The following CSRP3 variants were observed in gnomAD, a reference collection of about 807,000 sequenced individuals.
CSRP3 encodes the protein cysteine and glycine rich protein 3.
A neutral mutation model predicts 24.3 loss-of-function variants in CSRP3; 24 were observed. That is an observed-to-expected ratio of 0.99 (90% CI 0.71 to 1.39). The LOEUF is 1.39. Ranked by LOEUF, CSRP3 falls within the 40% of genes most tolerant of loss-of-function variation. CSRP3 has a pLI of 0.00. For synonymous variants in CSRP3, 105 were observed against 94.0 expected, an observed-to-expected ratio of 1.12 and a Z score of -0.68; for missense variants, 240 against 249.0, an observed-to-expected ratio of 0.96 and a Z score of 0.24.
At chr11:19,188,424 A>G in intron 2 of CSRP3, 120 bp from the exon 3 acceptor site, 3 of 954,114 alleles carry the variant, frequency 3.1e-6, no homozygotes, top group Admixed American at 1.9e-5. Flanking sequence ...CCAAGAATAC[A>G]ATGTTGATTC....
intron 1 of CSRP3, among the ~76,000 whole-genome samples, chr11:19,199,667 C>G (rs1590110225): frequency 6.6e-6 from 1 of 152,076 alleles, no homozygotes; most frequent in Admixed American, 6.5e-5. Flanking sequence ...TTTTTGTGAC[C>G]CTTAAATAAG....
At position 19,182,281 on chromosome 11, in the gene CSRP3, A is replaced by G. The variant is rs926488895; in HGVS notation, c.*389T>C. The G allele has an allele frequency of 5.1e-6, 1 of 197,682 alleles. No individual in the cohort carries two copies. Among genetic ancestry groups the G allele is most frequent in the South Asian group, 1.0e-4 (1 of 9,780 alleles). The allele number at this position is 197,682 out of a possible 1,614,324, so 12.2% of individuals were successfully genotyped here. ...TCTGAAAGACTGCTTTCCTTTGCGC[A>G]TTGTTTCTTCCTTCTCACTCCTTTC... is the stretch of plus-strand genomic sequence containing the variant. On this transcript the variant is annotated 3_prime_UTR_variant, in exon 6 of 6. Transcript: ENST00000265968.
At chr11:19,195,117 G>A (rs771259526) in intron 1 of CSRP3, among the ~76,000 whole-genome samples, 5 of 151,896 alleles carry the variant, frequency 3.3e-5, no homozygotes, top group African/African-American at 7.3e-5. Context: ...ATTCAAATGG[G>A]GGTTTGAAGG....
In CSRP3 at chr11:19,182,679, C is replaced by G. The variant is rs141100524; in HGVS notation, c.576G>C (p.Lys192Asn). ...GAAACGGCGCACCTCTTCATTCTTT[C>G]TTTTCCACTTGTTGTGTAAGGCCTC... ...GFGGLTQQVEKKE is the reference protein window; with the variant it reads ...GFGGLTQQVENKE The change falls in exon 6 of 6, where the codon AAG becomes AAC. Residue 192 changes from lysine to asparagine, a missense_variant. Physicochemically the swap from Lys to Asn is moderately conservative, Grantham distance 94. Transcript: ENST00000265968. 8.7e-6 allele frequency: 14 copies of G among 1,614,134 alleles called. No homozygotes were observed. The highest frequency in any genetic ancestry group is 1.2e-5 in the Non-Finnish European group (14 of 1,179,998).
intron 2 of CSRP3, among the ~76,000 whole-genome samples, chr11:19,191,591 G>T (rs190537619): frequency 3.9e-5 from 6 of 152,288 alleles, no homozygotes; most frequent in Non-Finnish European, 8.8e-5. Flanking sequence ...TAAAGGTAGA[G>T]GTTCATGTAT....
At chr11:19,192,677 C>G (rs1238531854) in intron 1 of CSRP3, among the ~76,000 whole-genome samples, 1 of 152,130 alleles carries the variant, frequency 6.6e-6, no homozygotes, top group Non-Finnish European at 1.5e-5. Context: ...AATCACTTTA[C>G]CACTTGGGAA....
intron 1 of CSRP3, among the ~76,000 whole-genome samples, chr11:19,197,501 C>CTCTTTCGTTCTTTCCTTCTTTCTT (rs1491110501): frequency 0.014 from 907 of 67,126 alleles, 29 homozygotes; most frequent in African/African-American, 0.02. Flanking sequence ...CCCTCTTTTC[C>CTCTTTCGTTCTTTCCTTCTTTCTT]TCTTTCTTTC....
Position 19,192,406 on chromosome 11 carries a change from T to C in CSRP3, c.43A>G (p.Lys15Glu), listed in dbSNP as rs992234249. 2.5e-6 allele frequency: 4 copies of C among 1,614,094 alleles called. No homozygotes were observed. Among genetic ancestry groups the C allele is most frequent in the Admixed American group, 1.7e-5 (1 of 60,006 alleles). Reference sequence around the variant, plus strand: ...ATTTCTTCTGCATGGTAGACGGTCTTTTCACAGGCTCCACATTTTGCGCCT... The same window carrying C: ...ATTTCTTCTGCATGGTAGACGGTCTCTTCACAGGCTCCACATTTTGCGCCT... ...GGGAKCGACE[K>E]TVYHAEEIQC... Residue 15 changes from lysine (K) to glutamate (E), a missense_variant, in exon 2 of 6, where the codon AAG becomes GAG. Lys to Glu is a moderately conservative substitution (Grantham distance 56). Coordinates refer to ENST00000265968, the MANE Select transcript of CSRP3 (RefSeq NM_003476.5).
chr11:19,184,195 C>T (rs1175618109), intron 5 of CSRP3, among the ~76,000 whole-genome samples: 1 of 152,134 alleles, frequency 6.6e-6, no homozygotes, highest in African/African-American at 2.4e-5. Flanking sequence ...CACTTCATTC[C>T]AACATACTCC....
At chr11:19,188,434 C>T in intron 2 of CSRP3, 130 bp from the exon 3 acceptor site, 1 of 865,830 alleles carries the variant, frequency 1.2e-6, no homozygotes, top group East Asian at 2.6e-5. Flanking sequence ...AATGTTGATT[C>T]CTGACCAGAG....
Position 19,197,466 on chromosome 11 carries a change from C to T in CSRP3, c.-29+4488G>A, listed in dbSNP as rs377154813. On this transcript the variant is annotated intron_variant, in intron 1 of 5. Coordinates refer to ENST00000265968, the MANE Select transcript of CSRP3 (RefSeq NM_003476.5). ...CCATCCTTTTTCCTTTCCTTCCCTCCCTTCCTCTCTCCATCTCTTTCTCTC... is the reference window on the plus strand; with the variant it reads ...CCATCCTTTTTCCTTTCCTTCCCTCTCTTCCTCTCTCCATCTCTTTCTCTC... 4.1e-5 allele frequency among the ~76,000 whole-genome samples: 6 copies of T among 145,618 alleles called. No individual in the cohort carries two copies. The East Asian group carries it at 1.0e-3, about 25-fold the overall frequency.
At chr11:19,191,202 A>C (rs1388518816) in intron 2 of CSRP3, among the ~76,000 whole-genome samples, 1 of 152,234 alleles carries the variant, frequency 6.6e-6, no homozygotes, top group Non-Finnish European at 1.5e-5. Context: ...GGCAGAGCCC[A>C]GACTCAAACC....
chr11:19,199,112 C>T (rs1413525506), intron 1 of CSRP3, among the ~76,000 whole-genome samples: 2 of 152,078 alleles, frequency 1.3e-5, no homozygotes, highest in Non-Finnish European at 1.5e-5. Flanking sequence ...TGCCCCAGGA[C>T]AGGTGTGCCC....
At chr11:19,201,279 T>C (rs966074202) in intron 1 of CSRP3, among the ~76,000 whole-genome samples, 1 of 152,216 alleles carries the variant, frequency 6.6e-6, no homozygotes, top group African/African-American at 2.4e-5. Flanking sequence ...TTTGATTAAT[T>C]TCAAAAGATT....
intron 1 of CSRP3, among the ~76,000 whole-genome samples, chr11:19,193,319 C>T (rs12798277): frequency 0.037 from 5,650 of 152,156 alleles, 131 homozygotes; most frequent in Middle Eastern, 0.065. Context: ...GAAAATCAAA[C>T]GACATGATGT....
At position 19,182,687 on chromosome 11, in the gene CSRP3, CTTG is replaced by C. The variant is rs1173035411; in HGVS notation, c.565_567del (p.Gln189del). The C allele has an allele frequency of 3.1e-6, 5 of 1,614,146 alleles. No individual in the cohort carries two copies. Among genetic ancestry groups the C allele is most frequent in the Non-Finnish European group, 4.2e-6 (5 of 1,180,008 alleles). On this transcript the variant is annotated inframe_deletion, in exon 6 of 6. Transcript: ENST00000265968. ...GCACCTCTTCATTCTTTCTTTTCCA[CTTG>C]TTGTGTAAGGCCTCCAAACCCAATA... is the stretch of plus-strand genomic sequence containing the variant.
At chr11:19,191,189 C>T (rs189007793) in intron 2 of CSRP3, among the ~76,000 whole-genome samples, 28 of 152,334 alleles carry the variant, frequency 1.8e-4, no homozygotes, top group African/African-American at 5.1e-4. Context: ...TCAGTGAGTA[C>T]ATGGCAGAGC....
At position 19,197,526 on chromosome 11, in the gene CSRP3, T is replaced by C. The variant is rs189761271; in HGVS notation, c.-29+4428A>G. 1.7e-4 allele frequency among the ~76,000 whole-genome samples: 22 copies of C among 128,402 alleles called. No individual in the cohort carries two copies. The East Asian group carries it at 2.1e-3, about 12-fold the overall frequency. 84.2% of individuals were successfully genotyped at this position (128,402 alleles called of 152,430 possible). ...CTCTTTCTTTCTTTCTTTCTTTCTTTCTTTCTTTCTTTCTTTCTTTCTTTC... is the reference window on the plus strand; with the variant it reads ...CTCTTTCTTTCTTTCTTTCTTTCTTCCTTTCTTTCTTTCTTTCTTTCTTTC... On this transcript the variant is annotated intron_variant, in intron 1 of 5. Coordinates refer to ENST00000265968, the MANE Select transcript of CSRP3 (RefSeq NM_003476.5).
chr11:19,199,349 T>A (rs1850798084), intron 1 of CSRP3, among the ~76,000 whole-genome samples: 1 of 152,192 alleles, frequency 6.6e-6, no homozygotes, highest in Admixed American at 6.5e-5. Flanking sequence ...ATTGCCAGCA[T>A]GGAAATAAAC....
Sources: allele counts gnomAD v4.1 joint callset (sites outside exome capture counted in the v4.1 genomes callset), GRCh38; gene constraint gnomAD v4.1.1; transcripts MANE v1.5; gene names NCBI Gene and HGNC (gene_info 2026-07-23, HGNC 2026-07-21).